LARP4B: variants seen among roughly 807,000 people sequenced by gnomAD.
LARP4B encodes the protein la-related protein 4B.
A neutral mutation model predicts 89.8 loss-of-function variants in LARP4B; 12 were observed. The observed-to-expected ratio is 0.13, with a 90% CI of 0.09 to 0.22. The LOEUF (loss-of-function observed/expected upper bound fraction) is 0.22. Ranked by LOEUF, LARP4B falls within the 10% of genes least tolerant of loss-of-function variation. LARP4B has a pLI of 1.00. For synonymous variants in LARP4B, 367 were observed against 363.3 expected (o/e 1.01, Z -0.12); for missense variants, 757 against 947.7 (o/e 0.80, Z 2.64).
intron 1 of LARP4B, among the ~76,000 whole-genome samples, chr10:922,245 A>G (rs1046567626): frequency 6.6e-6 from 1 of 152,198 alleles, no homozygotes; most frequent in African/African-American, 2.4e-5. Context: ...TGCTCATCTG[A>G]GAGGAGGTGG....
the LARP4B span, chr10:972,952 T>C: frequency 2.2e-6 from 1 of 447,112 alleles, no homozygotes; most frequent in South Asian, 1.6e-5. Flanking sequence ...ACTGAAACCA[T>C]GCTCAGTTCC....
intron 7 of LARP4B, among the ~76,000 whole-genome samples, chr10:836,849 C>T (rs1833248048): frequency 6.6e-6 from 1 of 152,206 alleles, no homozygotes; most frequent in Non-Finnish European, 1.5e-5. Flanking sequence ...TCCCTGGCTC[C>T]CTGATGATCA....
chr10:961,585 C>T, the LARP4B span, among the ~76,000 whole-genome samples: 25 of 137,474 alleles, frequency 1.8e-4, no homozygotes, highest in South Asian at 2.0e-3. Context: ...GGGGAGGCCT[C>T]GGGAAGGTCC....
intron 1 of LARP4B, among the ~76,000 whole-genome samples, chr10:911,412 T>C: frequency 6.6e-6 from 1 of 152,226 alleles, no homozygotes; most frequent in East Asian, 1.9e-4. Flanking sequence ...GGAACTCTTT[T>C]CAGTCAACTG....
the LARP4B span, among the ~76,000 whole-genome samples, chr10:981,210 T>C: frequency 6.6e-6 from 1 of 152,252 alleles, no homozygotes; most frequent in Admixed American, 6.5e-5. Flanking sequence ...AGCCTGGACT[T>C]CACTGTCCAT....
At chr10:857,991 T>C (rs1309620628) in intron 5 of LARP4B, among the ~76,000 whole-genome samples, 1 of 152,002 alleles carries the variant, frequency 6.6e-6, no homozygotes, top group African/African-American at 2.4e-5. Context: ...TGCAAGCCAA[T>C]TTCTAGAAAG....
intron 1 of LARP4B, among the ~76,000 whole-genome samples, chr10:913,445 TTTTAG>T (rs1414318210): frequency 6.6e-6 from 1 of 152,234 alleles, no homozygotes; most frequent in African/African-American, 2.4e-5. Context: ...CTCAAATGTC[TTTTAG>T]TTCATGACTT....
the LARP4B span, chr10:973,070 T>A: frequency 1.6e-5 from 6 of 364,304 alleles, no homozygotes; most frequent in East Asian, 4.4e-4. Context: ...CCCACTCAGC[T>A]GCTGACCCTG....
chr10:969,016 C>T, the LARP4B span, among the ~76,000 whole-genome samples: 1 of 152,192 alleles, frequency 6.6e-6, no homozygotes, highest in African/African-American at 2.4e-5. Context: ...TCCGTGTGCC[C>T]TTGGGCCTTG....
chr10:894,054 A>C (rs1348961084), intron 1 of LARP4B, among the ~76,000 whole-genome samples: 1 of 152,198 alleles, frequency 6.6e-6, no homozygotes. Flanking sequence ...AAATATCCCA[A>C]TATCTAATAC....
the LARP4B span, among the ~76,000 whole-genome samples, chr10:983,649 G>A: frequency 2.0e-5 from 3 of 152,114 alleles, no homozygotes; most frequent in South Asian, 4.1e-4. Context: ...ATTCCATCAG[G>A]AGAGCTCCAG....
chr10:918,199 C>T (rs1179921872), intron 1 of LARP4B, among the ~76,000 whole-genome samples: 1 of 152,220 alleles, frequency 6.6e-6, no homozygotes, highest in Non-Finnish European at 1.5e-5. Flanking sequence ...CACCGTCATA[C>T]ATCATCCCAT....
intron 3 of LARP4B, among the ~76,000 whole-genome samples, chr10:870,488 A>C (rs147563989): frequency 6.2e-4 from 95 of 152,294 alleles, no homozygotes; most frequent in Non-Finnish European, 1.1e-3. Flanking sequence ...ATCAACACCA[A>C]CCAGAAAGAA....
chr10:924,097 G>A (rs932158544), intron 1 of LARP4B, among the ~76,000 whole-genome samples: 4 of 151,754 alleles, frequency 2.6e-5, no homozygotes, highest in African/African-American at 4.8e-5. Context: ...TTTTTAATTA[G>A]CCAGGTGTGG....
the LARP4B span, among the ~76,000 whole-genome samples, chr10:962,298 C>CAAA: frequency 2.1e-4 from 13 of 60,556 alleles, no homozygotes; most frequent in Admixed American, 5.7e-4. Flanking sequence ...ACTCCATCTC[C>CAAA]AAAAAAAAAA....
intron 5 of LARP4B, among the ~76,000 whole-genome samples, chr10:857,228 G>T (rs1242318424): frequency 1.3e-5 from 2 of 152,092 alleles, no homozygotes; most frequent in African/African-American, 2.4e-5. Context: ...AAAAGAACTA[G>T]GATAAGATGC....
Position 825,791 on chromosome 10 carries a change from G to A in LARP4B, c.1205C>T (p.Ser402Phe). Reference protein sequence around the residue: ...AFKPAASPLTSLRQYPPRSRN... With the variant: ...AFKPAASPLTFLRQYPPRSRN... ...GCTTCGAGGAGGATACTGTCTGAGA[G>A]AAGTCAGAGGAGACGCCGCAGGCTT... Residue 402 changes from serine (S) to phenylalanine (F), a missense_variant, in exon 12 of 18, where the codon TCT becomes TTT. Ser to Phe is a radical substitution (Grantham distance 155, BLOSUM62 -2). This residue lies in a region of LARP4B where 137 missense variants were observed against 213.9 expected (regional missense o/e 0.64). Coordinates refer to ENST00000316157, the MANE Select transcript of LARP4B (RefSeq NM_015155.3). 6.2e-7 allele frequency: 1 copy of A among 1,613,858 alleles called. No individual in the cohort carries two copies. Among genetic ancestry groups the A allele is most frequent in the Non-Finnish European group, 8.5e-7 (1 of 1,179,824 alleles).
Position 810,999 on chromosome 10 carries a change from T to C in LARP4B, c.*1927A>G, listed in dbSNP as rs1490139505. The C allele has an allele frequency of 6.6e-6, 1 of 152,254 alleles. No individual in the cohort carries two copies. The highest frequency in any genetic ancestry group is 1.5e-5 in the Non-Finnish European group (1 of 68,044). The allele number at this position is 152,254 out of a possible 1,614,324, so 9.4% of individuals were successfully genotyped here. On this transcript the variant is annotated 3_prime_UTR_variant, in exon 18 of 18. Coordinates refer to ENST00000316157, the MANE Select transcript of LARP4B (RefSeq NM_015155.3). The stretch of plus-strand genomic sequence containing the variant: ...ATTTAAATTAGATTACTAGTCACCT[T>C]CACTTACGATCCTGCCAGTTTTTGC...
intron 14 of LARP4B, 128 bp from the exon 15 acceptor site, chr10:818,017 C>A: frequency 1.1e-6 from 1 of 918,840 alleles, no homozygotes; most frequent in Non-Finnish European, 1.6e-6. Flanking sequence ...AGGGCTTCCT[C>A]ACTCAATTGA....
Sources: allele counts gnomAD v4.1 joint callset (sites outside exome capture counted in the v4.1 genomes callset), GRCh38; gene constraint gnomAD v4.1.1; regional missense constraint gnomAD v4.1.1; transcripts MANE v1.5; gene names NCBI Gene and HGNC (gene_info 2026-07-23, HGNC 2026-07-21).